TBC1D5: variants seen among roughly 807,000 people sequenced by gnomAD.
TBC1D5 encodes the protein TBC1 domain family member 5.
TBC1D5 carries 75 observed loss-of-function variants against 100.3 expected under a neutral mutation model. That is an observed-to-expected ratio of 0.75 (90% CI 0.62 to 0.91). TBC1D5 has a LOEUF of 0.91. Among genes scored for constraint, TBC1D5 ranks in the 40% least tolerant of loss-of-function variants. TBC1D5 has a pLI of 0.00. For synonymous variants in TBC1D5, 323 were observed against 325.6 expected (o/e 0.99, Z 0.09); for missense variants, 910 against 942.4 (o/e 0.97, Z 0.45).
intron 8 of TBC1D5, among the ~76,000 whole-genome samples, chr3:17,387,770 A>C (rs1432626864): frequency 2.0e-5 from 3 of 151,104 alleles, no homozygotes; most frequent in Non-Finnish European, 4.4e-5. Context: ...AATTAAAAGC[A>C]CAGAATACTA....
chr3:17,405,086 A>T (rs2093737705), intron 5 of TBC1D5, 125 bp from the exon 6 acceptor site: 1 of 472,500 alleles, frequency 2.1e-6, no homozygotes, highest in Non-Finnish European at 3.8e-6. Flanking sequence ...TCATATCATC[A>T]TTTCAATTCC....
At chr3:17,432,308 A>G (rs2149412855) in intron 3 of TBC1D5, among the ~76,000 whole-genome samples, 1 of 152,316 alleles carries the variant, frequency 6.6e-6, no homozygotes, top group East Asian at 1.9e-4. Context: ...GAATTAGTAT[A>G]TACCAATGAA....
chr3:17,361,335 A>G (rs2091688367), intron 13 of TBC1D5, among the ~76,000 whole-genome samples: 1 of 152,128 alleles, frequency 6.6e-6, no homozygotes, highest in Non-Finnish European at 1.5e-5. Context: ...TCAGAAATTT[A>G]AAAATTTATA....
At chr3:17,481,569 G>T (rs895912154) in intron 3 of TBC1D5, among the ~76,000 whole-genome samples, 1 of 152,198 alleles carries the variant, frequency 6.6e-6, no homozygotes, top group Non-Finnish European at 1.5e-5. Flanking sequence ...TCTTCACAGA[G>T]TATGTCCCAA....
chr3:17,639,341 T>C (rs1438697465), intron 1 of TBC1D5, among the ~76,000 whole-genome samples: 1 of 151,750 alleles, frequency 6.6e-6, no homozygotes, highest in African/African-American at 2.4e-5. Context: ...CACTAAAAAA[T>C]AAATAAATAA....
At chr3:17,453,726 G>A (rs2094983014) in intron 3 of TBC1D5, among the ~76,000 whole-genome samples, 1 of 152,052 alleles carries the variant, frequency 6.6e-6, no homozygotes, top group Admixed American at 6.5e-5. Flanking sequence ...AACTCAAACT[G>A]TTCCAAAAAC....
chr3:17,734,450 T>C (rs934529720), intron 1 of TBC1D5, among the ~76,000 whole-genome samples: 7 of 152,204 alleles, frequency 4.6e-5, no homozygotes, highest in African/African-American at 1.4e-4. Context: ...TACTTCATAC[T>C]GTACAACTAA....
chr3:17,159,010 G>A (rs1405665374), exon 22 of TBC1D5: 1 of 152,232 alleles, frequency 6.6e-6, no homozygotes, highest in African/African-American at 2.4e-5. Flanking sequence ...CTCGCTGTAT[G>A]GGGGCCCCGC....
chr3:17,225,191 C>A (rs1428371777), intron 17 of TBC1D5, among the ~76,000 whole-genome samples: 1 of 152,096 alleles, frequency 6.6e-6, no homozygotes, highest in Non-Finnish European at 1.5e-5. Flanking sequence ...GTAATCCCAG[C>A]ACTTTGGGAG....
chr3:17,197,950 T>C (rs1400453474), intron 18 of TBC1D5, among the ~76,000 whole-genome samples: 1 of 152,098 alleles, frequency 6.6e-6, no homozygotes, highest in Non-Finnish European at 1.5e-5. Flanking sequence ...AGGGGTTGGA[T>C]TGCTTGAGCC....
At chr3:17,595,595 G>T (rs1387794254) in intron 2 of TBC1D5, among the ~76,000 whole-genome samples, 12 of 152,064 alleles carry the variant, frequency 7.9e-5, no homozygotes, top group Non-Finnish European at 4.4e-5. Flanking sequence ...TATGCTTTAG[G>T]TCATCAATCT....
intron 1 of TBC1D5, among the ~76,000 whole-genome samples, chr3:17,698,311 C>A (rs371097664): frequency 7.9e-4 from 120 of 152,180 alleles, no homozygotes; most frequent in African/African-American, 2.1e-3. Context: ...CCTATTTAAT[C>A]AATGGTGCTG....
chr3:17,458,932 A>G lies in TBC1D5; in HGVS notation c.98-30413T>C, dbSNP rs186565654. The stretch of plus-strand genomic sequence containing the variant: ...CATGCATTGGTACCTTCATTCTGCC[A>G]AAGTTAAGCAGTTAACTAACGCGTA... On this transcript the variant is annotated intron_variant, in intron 3 of 21. Transcript: ENST00000253692. 1.6e-3 allele frequency among the ~76,000 whole-genome samples: 240 copies of G among 152,360 alleles called. 2 individuals carry two copies. Among genetic ancestry groups the G allele is most frequent in the African/African-American group, 5.3e-3 (220 of 41,592 alleles).
intron 2 of TBC1D5, among the ~76,000 whole-genome samples, chr3:17,567,468 T>C (rs894128284): frequency 6.6e-6 from 1 of 151,820 alleles, no homozygotes; most frequent in African/African-American, 2.4e-5. Flanking sequence ...AAATACTCCA[T>C]GTTCCTGCCA....
intron 2 of TBC1D5, among the ~76,000 whole-genome samples, chr3:17,534,946 G>A (rs1339752495): frequency 1.3e-5 from 2 of 152,160 alleles, no homozygotes; most frequent in African/African-American, 4.8e-5. Context: ...GTAATCAAAT[G>A]TGTTTTTTGA....
intron 1 of TBC1D5, among the ~76,000 whole-genome samples, chr3:17,631,244 C>A (rs1232182616): frequency 1.3e-5 from 2 of 152,132 alleles, no homozygotes; most frequent in Non-Finnish European, 2.9e-5. Flanking sequence ...TCCCCTTAAA[C>A]CAAAGTCTAA....
intron 4 of TBC1D5, among the ~76,000 whole-genome samples, chr3:17,414,845 T>G (rs1260781945): frequency 2.0e-5 from 3 of 152,148 alleles, no homozygotes; most frequent in African/African-American, 4.8e-5. Flanking sequence ...TAATGAAACA[T>G]CAGGGCATAT....
exon 17 of TBC1D5, chr3:17,238,352 T>G (rs758524084): frequency 1.2e-6 from 2 of 1,613,942 alleles, no homozygotes; most frequent in South Asian, 1.1e-5. Flanking sequence ...GAAATCAACT[T>G]TCTTCCAAAA....
chr3:17,648,984 C>A (rs1442055419), intron 1 of TBC1D5, among the ~76,000 whole-genome samples: 1 of 152,120 alleles, frequency 6.6e-6, no homozygotes, highest in African/African-American at 2.4e-5. Context: ...TGGGTATATA[C>A]CCAGAGGAAT....
Sources: gnomAD v4.1 joint callset for allele counts (sites outside exome capture counted in the v4.1 genomes callset) on GRCh38, gnomAD v4.1.1 for gene constraint, MANE v1.5 for transcripts, NCBI Gene and HGNC (gene_info 2026-07-23, HGNC 2026-07-21) for gene names.